VPS18: variants seen among roughly 807,000 people sequenced by gnomAD.
The protein encoded by VPS18 is vacuolar protein sorting-associated protein 18 homolog.
In VPS18, 25 loss-of-function variants were observed where a neutral mutation model predicts 82.0. The ratio of observed to expected loss-of-function variants is 0.30; its 90% CI spans 0.22 to 0.43. VPS18 has a LOEUF of 0.43. Among genes scored for constraint, VPS18 ranks in the 20% least tolerant of loss-of-function variants. VPS18 has a pLI of 1.00. For missense variants in VPS18, 1,168 were observed against 1,311.1 expected, an observed-to-expected ratio of 0.89 and a Z score of 1.69; for synonymous variants, 523 against 543.0, an observed-to-expected ratio of 0.96 and a Z score of 0.51.
At position 40,902,987 on chromosome 15, in the gene VPS18, C is replaced by T. The variant is rs144742197; in HGVS notation, c.2568C>T (p.Cys856=). 1.2e-5 allele frequency: 20 copies of T among 1,614,288 alleles called. No homozygotes were observed. The highest frequency in any genetic ancestry group is 9.3e-5 in the African/African-American group (7 of 75,080). The part of the protein sequence containing the change: ...TVEPQDKCAT[C]DFPLLNRPFY... ...AGCCCCAGGACAAATGTGCCACCTG[C>T]GACTTCCCCCTGCTCAACCGCCCTT... Residue 856 remains cysteine, a synonymous_variant, in exon 5 of 5, where the codon TGC becomes TGT. Coordinates refer to ENST00000220509, the MANE Select transcript of VPS18 (RefSeq NM_020857.3). The surrounding 1 kb of genome is among the most constrained non-coding windows in gnomAD (Gnocchi z 4.2).
Position 40,899,778 on chromosome 15 carries a change from T to A in VPS18, c.960T>A (p.Pro320=). 1 of 1,612,676 alleles carries A rather than the reference T, an allele frequency of 6.2e-7. No homozygotes were observed. The highest frequency in any genetic ancestry group is 1.1e-5 in the South Asian group (1 of 91,088). Residue 320 remains proline, a synonymous_variant, in exon 4 of 5, where the codon CCT becomes CCA. Coordinates refer to ENST00000220509, the MANE Select transcript of VPS18 (RefSeq NM_020857.3). This position sits in a 1 kb window ranked among gnomAD's most constrained non-coding sequence, Gnocchi z 4.4. ...RVWEYPEGVG[P]GASPPLAIVL... ...GGGAGTACCCAGAGGGGGTAGGGCC[T>A]GGGGCCAGCCCACCCCTAGCCATCG...
chr15:40,898,679 C>T (rs1232558514), intron 2 of VPS18: 3 of 574,350 alleles, frequency 5.2e-6, no homozygotes, highest in African/African-American at 1.9e-5. Flanking sequence ...CGCCATGTTG[C>T]CCAGTCTGGT....
In VPS18 at chr15:40,899,832, A is replaced by G. The variant is rs764390438; in HGVS notation, c.1014A>G (p.Leu338=). The change falls in exon 4 of 5, where the codon CTA becomes CTG. Residue 338 remains leucine, a synonymous_variant. Transcript: ENST00000220509. This position sits in a 1 kb window ranked among gnomAD's most constrained non-coding sequence, Gnocchi z 4.4. Reference sequence around the variant, plus strand: ...TGACCCAGTTCCACTTCCTGCTGCTACTGGCAGACCGGGTGGAGGCAGTGT... The same window carrying G: ...TGACCCAGTTCCACTTCCTGCTGCTGCTGGCAGACCGGGTGGAGGCAGTGT... ...IVLTQFHFLL[L]LADRVEAVCT... 1 of 1,609,456 alleles carries G rather than the reference A, an allele frequency of 6.2e-7. No individual in the cohort carries two copies. Among genetic ancestry groups the G allele is most frequent in the African/African-American group, 1.3e-5 (1 of 75,046 alleles).
rs555015912 is a variant in VPS18, at chr15:40,899,162, C to T, written c.344C>T (p.Ala115Val). The change falls in exon 4 of 5, where the codon GCC becomes GTC. Residue 115 changes from alanine (A) to valine (V), a missense_variant. Ala to Val is a moderately conservative substitution (Grantham distance 64). Around this residue, in one of 3 missense-constraint regions of VPS18, gnomAD observed 868 missense variants for 939.8 expected, o/e 0.92. Transcript: ENST00000220509. This position sits in a 1 kb window ranked among gnomAD's most constrained non-coding sequence, Gnocchi z 4.4. ...LDHTGSHLLI[A>V]LSSTEVLYVN... ...ACTCCAGGCTCTCACCTGCTGATTG[C>T]CCTGAGCAGCACGGAGGTCCTCTAC... is the stretch of plus-strand genomic sequence containing the variant. 1 of 1,613,588 alleles carries T rather than the reference C, an allele frequency of 6.2e-7. No individual in the cohort carries two copies. The highest frequency in any genetic ancestry group is 1.3e-5 in the African/African-American group (1 of 75,034).
At position 40,901,029 on chromosome 15, in the gene VPS18, C is replaced by G; in HGVS notation, c.2196+15C>G. ...TGGCCCTGCAGGTAAGCCAGTACGT[C>G]TTGACCCCAGCTGGGAGAGGGACCC... On this transcript the variant is annotated intron_variant, in intron 4 of 4. Transcript: ENST00000220509. 1 of 1,586,596 alleles carries G rather than the reference C, an allele frequency of 6.3e-7. No homozygotes were observed.
rs1390399733 is a variant in VPS18 at position 40,899,886 on chromosome 15, G to A, written c.1068G>A (p.Arg356=). ...VCTLTGQVVL[R]DHFLEKFGPL... is the part of the protein sequence containing the mutation. ...CACTGACCGGGCAGGTGGTGCTGCG[G>A]GATCACTTCCTGGAGAAATTTGGGC... The change falls in exon 4 of 5, where the codon CGG becomes CGA. Residue 356 remains arginine (R), a synonymous_variant. Coordinates refer to ENST00000220509, the MANE Select transcript of VPS18 (RefSeq NM_020857.3). The surrounding 1 kb of genome is among the most constrained non-coding windows in gnomAD (Gnocchi z 4.4). 6.2e-7 allele frequency: 1 copy of A among 1,609,988 alleles called. No homozygotes were observed. The highest frequency in any genetic ancestry group is 1.3e-5 in the African/African-American group (1 of 75,066).
Position 40,899,772 on chromosome 15 carries a change from A to G in VPS18, c.954A>G (p.Val318=). 1 of 1,613,018 alleles carries G rather than the reference A, an allele frequency of 6.2e-7. No individual in the cohort carries two copies. The highest frequency in any genetic ancestry group is 8.5e-7 in the Non-Finnish European group (1 of 1,180,020). Residue 318 remains valine (V), a synonymous_variant, in exon 4 of 5, where the codon GTA becomes GTG. Coordinates refer to ENST00000220509, the MANE Select transcript of VPS18 (RefSeq NM_020857.3). This position sits in a 1 kb window ranked among gnomAD's most constrained non-coding sequence, Gnocchi z 4.4. The part of the protein sequence containing the change: ...EERVWEYPEG[V]GPGASPPLAI... ...GAGTCTGGGAGTACCCAGAGGGGGTAGGGCCTGGGGCCAGCCCACCCCTAG... is the reference window on the plus strand; with the variant it reads ...GAGTCTGGGAGTACCCAGAGGGGGTGGGGCCTGGGGCCAGCCCACCCCTAG...
Position 40,902,935 on chromosome 15 carries a change from A to T in VPS18, c.2516A>T (p.Glu839Val). 1 of 1,614,250 alleles carries T rather than the reference A, an allele frequency of 6.2e-7. No individual in the cohort carries two copies. The highest frequency in any genetic ancestry group is 8.5e-7 in the Non-Finnish European group (1 of 1,180,044). The change falls in exon 5 of 5, where the codon GAG becomes GTG. Residue 839 changes from glutamate (E) to valine (V), a missense_variant. By Grantham distance (121) the Glu-to-Val change is moderately radical (BLOSUM62 -2). Transcript: ENST00000220509. This position sits in a 1 kb window ranked among gnomAD's most constrained non-coding sequence, Gnocchi z 4.2. The stretch of plus-strand genomic sequence containing the variant: ...CAGCGCATCCGGCGAGACCTGCAGG[A>T]GCTGCGGGGCCGCTACGGCACTGTG... ...SAQRIRRDLQELRGRYGTVEP... is the reference protein window; with the variant it reads ...SAQRIRRDLQVLRGRYGTVEP...
Position 40,901,081 on chromosome 15 carries a change from G to C in VPS18, c.2196+67G>C, listed in dbSNP as rs1892350138. 4 of 1,506,686 alleles carry C rather than the reference G, an allele frequency of 2.7e-6. No individual in the cohort carries two copies. The African/African-American group carries it at 5.5e-5, about 21-fold the overall frequency. The allele number at this position is 1,506,686 out of a possible 1,614,324, so 93.3% of individuals were successfully genotyped here. A position where few individuals can be genotyped will look rare whatever the true frequency, so the allele number is the denominator to read the frequency against. The stretch of plus-strand genomic sequence containing the variant: ...AAGAGCAGTAGCTTTAGATGTGGAA[G>C]GGCTTGGGGGGCCATGGCTAGAGGG... On this transcript the variant is annotated intron_variant, in intron 4 of 4. Transcript: ENST00000220509.
chr15:40,903,236 G>A lies in VPS18; in HGVS notation c.2817G>A (p.Leu939=), dbSNP rs1421436703. The change falls in exon 5 of 5, where the codon TTG becomes TTA. Residue 939 remains leucine (L), a synonymous_variant. Coordinates refer to ENST00000220509, the MANE Select transcript of VPS18 (RefSeq NM_020857.3). ...REQLKADLDE[L]VAAECVYCGE... ...AGCTCAAGGCTGACCTGGATGAGTTGGTGGCCGCTGAGTGTGTGTACTGTG... is the reference window on the plus strand; with the variant it reads ...AGCTCAAGGCTGACCTGGATGAGTTAGTGGCCGCTGAGTGTGTGTACTGTG... 1.2e-6 allele frequency: 2 copies of A among 1,611,098 alleles called. No homozygotes were observed. The highest frequency in any genetic ancestry group is 1.7e-6 in the Non-Finnish European group (2 of 1,178,750).
Position 40,899,869 on chromosome 15 carries a change from G to T in VPS18, c.1051G>T (p.Gly351Trp). ...DRVEAVCTLT[G>W]QVVLRDHFLE... The stretch of plus-strand genomic sequence containing the variant: ...GGTGGAGGCAGTGTGCACACTGACC[G>T]GGCAGGTGGTGCTGCGGGATCACTT... Residue 351 changes from glycine to tryptophan, a missense_variant, in exon 4 of 5, where the codon GGG (glycine) becomes TGG (tryptophan). By Grantham distance (184) the Gly-to-Trp change is radical (BLOSUM62 -2). Coordinates refer to ENST00000220509, the MANE Select transcript of VPS18 (RefSeq NM_020857.3). The surrounding 1 kb of genome is among the most constrained non-coding windows in gnomAD (Gnocchi z 4.4). The T allele has an allele frequency of 1.2e-6, 2 of 1,608,918 alleles. No homozygotes were observed. Among genetic ancestry groups the T allele is most frequent in the Non-Finnish European group, 8.5e-7 (1 of 1,179,998 alleles).
chr15:40,899,068 G>T lies in VPS18; in HGVS notation c.325+70G>T. ...CTGCCTGGGTGGGTGGGCTCTGAGG[G>T]TGGTGTGGGGGCCAGGAGGAGGCTG... On this transcript the variant is annotated intron_variant, in intron 3 of 4. Coordinates refer to ENST00000220509, the MANE Select transcript of VPS18 (RefSeq NM_020857.3). This position sits in a 1 kb window ranked among gnomAD's most constrained non-coding sequence, Gnocchi z 4.4. The T allele has an allele frequency of 6.2e-7, 1 of 1,606,508 alleles. No individual in the cohort carries two copies. The highest frequency in any genetic ancestry group is 8.5e-7 in the Non-Finnish European group (1 of 1,174,580).
chr15:40,896,122 G>A (rs924476968), intron 2 of VPS18, 43 bp downstream of exon 2: 20 of 1,610,600 alleles, frequency 1.2e-5, no homozygotes, highest in Non-Finnish European at 1.6e-5. Flanking sequence ...GACTAGAGAG[G>A]TGTTTGGGGA....
Position 40,900,517 on chromosome 15 carries a change from G to A in VPS18, c.1699G>A (p.Glu567Lys). Residue 567 changes from glutamate (E) to lysine (K), a missense_variant, in exon 4 of 5, where the codon GAG (glutamate) becomes AAG (lysine). Transcript: ENST00000220509. This position sits in a 1 kb window ranked among gnomAD's most constrained non-coding sequence, Gnocchi z 5.4. The stretch of plus-strand genomic sequence containing the variant: ...CTTTGCAGTGATCATGCAGGACTAT[G>A]AGCGGGTGGTGGCTTACCACTGTCA... ...VYFAVIMQDY[E>K]RVVAYHCQHE... The A allele has an allele frequency of 6.2e-7, 1 of 1,614,106 alleles. No individual in the cohort carries two copies. Among genetic ancestry groups the A allele is most frequent in the Non-Finnish European group, 8.5e-7 (1 of 1,180,018 alleles).
At chr15:40,901,085 T>C (rs1892350175) in intron 4 of VPS18, 71 bp downstream of exon 4, 2 of 1,505,706 alleles carry the variant, frequency 1.3e-6, no homozygotes, top group Non-Finnish European at 1.8e-6. Context: ...GTGGAAGGGC[T>C]TGGGGGGCCA....
At chr15:40,901,157 C>G in intron 4 of VPS18, 143 bp downstream of exon 4, 1 of 890,066 alleles carries the variant, frequency 1.1e-6, no homozygotes, top group Non-Finnish European at 1.7e-6. Flanking sequence ...ACTGTTAAGT[C>G]AGATTTGAAT....
Position 40,902,616 on chromosome 15 carries a change from G to T in VPS18, c.2197G>T (p.Val733Leu), listed in dbSNP as rs1186018843. ...CCTAAAGCCCATGCTCTCCCCACAGGTGGATGTGGACCTGGCCAAGCAGTG... is the reference window on the plus strand; with the variant it reads ...CCTAAAGCCCATGCTCTCCCCACAGTTGGATGTGGACCTGGCCAAGCAGTG... ...YEEAVDLALQ[V>L]DVDLAKQCAD... The change falls in exon 5 of 5, where the codon GTG becomes TTG. Residue 733 changes from valine to leucine, a missense_variant and splice_region_variant. By Grantham distance (32) the Val-to-Leu change is conservative. Transcript: ENST00000220509. The surrounding 1 kb of genome is among the most constrained non-coding windows in gnomAD (Gnocchi z 4.2). 6.2e-7 allele frequency: 1 copy of T among 1,608,110 alleles called. No individual in the cohort carries two copies.
At position 40,899,217 on chromosome 15, in the gene VPS18, A is replaced by G. The variant is rs1460721721; in HGVS notation, c.399A>G (p.Pro133=). The change falls in exon 4 of 5, where the codon CCA becomes CCG. Residue 133 remains proline, a synonymous_variant. Coordinates refer to ENST00000220509, the MANE Select transcript of VPS18 (RefSeq NM_020857.3). This position sits in a 1 kb window ranked among gnomAD's most constrained non-coding sequence, Gnocchi z 4.4. ...YVNRNGQKVR[P]LARWKGQLVE... is the part of the protein sequence containing the mutation. ...ACCGAAATGGACAGAAGGTACGGCC[A>G]CTAGCACGCTGGAAGGGGCAGCTGG... The G allele has an allele frequency of 6.2e-7, 1 of 1,614,218 alleles. No homozygotes were observed. Among genetic ancestry groups the G allele is most frequent in the Non-Finnish European group, 8.5e-7 (1 of 1,180,046 alleles).
In VPS18 at chr15:40,899,010, T is replaced by C. The variant is rs934391878; in HGVS notation, c.325+12T>C. ...CCTTGACCATACTGGTAAGTAACAG[T>C]GGAGATCTGAGGAGGGGGTCTCTGG... On this transcript the variant is annotated intron_variant, in intron 3 of 4. Coordinates refer to ENST00000220509, the MANE Select transcript of VPS18 (RefSeq NM_020857.3). This position sits in a 1 kb window ranked among gnomAD's most constrained non-coding sequence, Gnocchi z 4.4. 2 of 1,613,784 alleles carry C rather than the reference T, an allele frequency of 1.2e-6. No individual in the cohort carries two copies. The highest frequency in any genetic ancestry group is 3.3e-5 in the Admixed American group (2 of 59,956).
Sources: allele counts gnomAD v4.1 joint callset, GRCh38; gene constraint gnomAD v4.1.1; regional missense constraint gnomAD v4.1.1; non-coding constraint Gnocchi (gnomAD v3.1); transcripts MANE v1.5; gene names NCBI Gene and HGNC (gene_info 2026-07-23, HGNC 2026-07-21).